POLR1B: variants seen among roughly 807,000 people sequenced by gnomAD.
POLR1B encodes the protein DNA-directed RNA polymerase I subunit RPA2.
In POLR1B, 30 loss-of-function variants were observed where a neutral mutation model predicts 105.8. The ratio of observed to expected loss-of-function variants is 0.28; its 90% confidence interval spans 0.21 to 0.38. The LOEUF (loss-of-function observed/expected upper bound fraction) is 0.38, where lower values mean the gene tolerates loss of function less well. POLR1B is among the 10% of genes least tolerant of loss of function. The pLI is 1.00. For synonymous variants in POLR1B, 485 were observed against 505.1 expected, an observed-to-expected ratio of 0.96 and a Z score of 0.53; for missense variants, 976 against 1,435.8, an observed-to-expected ratio of 0.68 and a Z score of 5.17.
chr2:112,563,279 T>C (rs1486347357), intron 9 of POLR1B, among the ~76,000 whole-genome samples: 2 of 151,898 alleles, frequency 1.3e-5, no homozygotes, highest in East Asian at 3.9e-4. Flanking sequence ...ATGGTCTCGA[T>C]CTCCTGACCT....
rs1683094482 is a variant in POLR1B, at chr2:112,547,033, G to A, written c.199G>A (p.Ala67Thr). 6.2e-7 allele frequency: 1 copy of A among 1,614,086 alleles called. No individual in the cohort carries two copies. Residue 67 changes from alanine (A) to threonine (T), a missense_variant, in exon 2 of 15, where the codon GCT (alanine) becomes ACT (threonine). By Grantham distance (58) the Ala-to-Thr change is moderately conservative. Coordinates refer to ENST00000263331, the MANE Select transcript of POLR1B (RefSeq NM_019014.6). ...AVQAIPPFEF[A>T]FKDERISFTI... ...TCAGGCTATACCTCCCTTTGAATTT[G>A]CTTTCAAAGATGAGCGTATCTCTTT...
intron 11 of POLR1B, 107 bp from the exon 12 acceptor site, chr2:112,568,638 TG>T: frequency 1.6e-6 from 2 of 1,239,432 alleles, no homozygotes; most frequent in Non-Finnish European, 2.3e-6. Context: ...TGATGCTGGG[TG>T]GGGATGGTTT....
chr2:112,555,368 C>T (rs373962894), intron 7 of POLR1B, among the ~76,000 whole-genome samples: 4 of 151,758 alleles, frequency 2.6e-5, no homozygotes, highest in Non-Finnish European at 4.4e-5. Flanking sequence ...ACACCTGGTG[C>T]GGTGGCTCAC....
chr2:112,558,778 C>G (rs1683805666), intron 8 of POLR1B, among the ~76,000 whole-genome samples: 1 of 151,950 alleles, frequency 6.6e-6, no homozygotes, highest in African/African-American at 2.4e-5. Context: ...GCCACAACAC[C>G]TGGCTAATTT....
At chr2:112,542,443 A>ACTGG (rs1682799603), upstream of POLR1B, 8 of 1,327,712 alleles carry the variant, frequency 6.0e-6, no homozygotes, top group Non-Finnish European at 8.0e-6. Context: ...GTACCGAGAG[A>ACTGG]CTGGCGTCCG....
At chr2:112,547,707 G>A (rs139621577) in intron 3 of POLR1B, 140 bp downstream of exon 3, 31 of 880,526 alleles carry the variant, frequency 3.5e-5, no homozygotes, top group Non-Finnish European at 1.7e-6. Flanking sequence ...CCTGCATACA[G>A]TGTATGGCTC....
chr2:112,568,868 C>T lies in POLR1B; in HGVS notation c.2040C>T (p.Asn680=). ...ACTTCATCCCTTTCTCTGATCACAACCAGAGTCCACGGAACATGTACCAAT... is the reference window on the plus strand; with the variant it reads ...ACTTCATCCCTTTCTCTGATCACAATCAGAGTCCACGGAACATGTACCAAT... ...IANFIPFSDH[N]QSPRNMYQCQ... Residue 680 remains asparagine (N), a synonymous_variant, in exon 12 of 15, where the codon AAC becomes AAT. Coordinates refer to ENST00000263331, the MANE Select transcript of POLR1B (RefSeq NM_019014.6). 6.2e-7 allele frequency: 1 copy of T among 1,614,164 alleles called. No individual in the cohort carries two copies. The highest frequency in any genetic ancestry group is 1.1e-5 in the South Asian group (1 of 91,088).
Position 112,575,090 on chromosome 2 carries a change from C to T in POLR1B, c.2769C>T (p.Arg923=). ...TCAATCCCCATGGTTTTCCATCCCG[C>T]ATGACCATTGGGATGTTAATTGAGA... is the stretch of plus-strand genomic sequence containing the variant. The part of the protein sequence containing the change: ...ILFNPHGFPS[R]MTIGMLIESM... Residue 923 remains arginine, a synonymous_variant, in exon 15 of 15, where the codon CGC becomes CGT. Transcript: ENST00000263331. This position sits in a 1 kb window ranked among gnomAD's most constrained non-coding sequence, Gnocchi z 5.3. 3.1e-6 allele frequency: 5 copies of T among 1,614,194 alleles called. No homozygotes were observed. The highest frequency in any genetic ancestry group is 4.2e-6 in the Non-Finnish European group (5 of 1,180,034).
intron 7 of POLR1B, among the ~76,000 whole-genome samples, chr2:112,553,097 T>C (rs1230130275): frequency 6.6e-6 from 1 of 152,236 alleles, no homozygotes; most frequent in African/African-American, 2.4e-5. Context: ...TGGTTGATCC[T>C]CATTATTTGT....
At chr2:112,550,662 C>T (rs1356091579) in intron 4 of POLR1B, 2 of 582,230 alleles carry the variant, frequency 3.4e-6, no homozygotes, top group Admixed American at 6.1e-5. Context: ...GGTTATTTTA[C>T]ATTAGTGTTT....
chr2:112,555,858 A>G (rs1245633344), intron 7 of POLR1B, among the ~76,000 whole-genome samples: 1 of 152,254 alleles, frequency 6.6e-6, no homozygotes, highest in African/African-American at 2.4e-5. Flanking sequence ...ATGACATAAG[A>G]TGAATTATAG....
At chr2:112,542,345 A>C, upstream of POLR1B, 1 of 1,554,424 alleles carries the variant, frequency 6.4e-7, no homozygotes, top group African/African-American at 1.4e-5. Flanking sequence ...AGAAACCGAA[A>C]CCGCAGGGCC....
rs1320004970 is a variant in POLR1B, at chr2:112,542,689, C to T, written c.177+18C>T. 1 of 1,609,782 alleles carries T rather than the reference C, an allele frequency of 6.2e-7. No homozygotes were observed. Among genetic ancestry groups the T allele is most frequent in the Non-Finnish European group, 8.5e-7 (1 of 1,177,976 alleles). On this transcript the variant is annotated intron_variant, in intron 1 of 14. Coordinates refer to ENST00000263331, the MANE Select transcript of POLR1B (RefSeq NM_019014.6). Reference sequence around the variant, plus strand: ...CGGTGCAGGTGAGCGCGGCGTCCGCCGGCGCCCTTGCCGCGGCGAGGCCAA... The same window carrying T: ...CGGTGCAGGTGAGCGCGGCGTCCGCTGGCGCCCTTGCCGCGGCGAGGCCAA...
At position 112,548,705 on chromosome 2, in the gene POLR1B, T is replaced by C. The variant is rs183141926; in HGVS notation, c.493-562T>C. On this transcript the variant is annotated intron_variant, in intron 3 of 14. Transcript: ENST00000263331. ...TTGGCTCACTGCAAGCTCCGCCTCC[T>C]GGGTTCAAGCCATTCTCCTGCCTCA... Among the ~76,000 whole-genome samples, 1,183 of 152,042 alleles carry C rather than the reference T, an allele frequency of 7.8e-3. 7 individuals are homozygous for C. The highest frequency in any genetic ancestry group is 0.012 in the Non-Finnish European group (843 of 67,962).
intron 9 of POLR1B, among the ~76,000 whole-genome samples, chr2:112,560,306 T>C (rs537618719): frequency 2.0e-5 from 3 of 152,220 alleles, no homozygotes; most frequent in East Asian, 3.9e-4. Context: ...GTCATTAATA[T>C]TGGAAGTATA....
chr2:112,542,840 A>G, intron 1 of POLR1B, 169 bp downstream of exon 1: 1 of 777,668 alleles, frequency 1.3e-6, no homozygotes, highest in South Asian at 1.8e-5. Context: ...GGCCTTCGTG[A>G]GACTTGGAGT....
chr2:112,552,122 G>C, intron 6 of POLR1B, 124 bp downstream of exon 6: 1 of 706,778 alleles, frequency 1.4e-6, no homozygotes, highest in South Asian at 2.4e-5. Flanking sequence ...GTAGAATCCT[G>C]GTCCTTGCTA....
rs369626508 is a variant in POLR1B, at chr2:112,575,804, A to G, written c.*75A>G. On this transcript the variant is annotated 3_prime_UTR_variant, in exon 15 of 15. Transcript: ENST00000263331. This position sits in a 1 kb window ranked among gnomAD's most constrained non-coding sequence, Gnocchi z 5.3. ...GTAATTTTAATTCAATGAAGATATCATTACCAGGTTACTCTTGAGATTTTT... is the reference window on the plus strand; with the variant it reads ...GTAATTTTAATTCAATGAAGATATCGTTACCAGGTTACTCTTGAGATTTTT... 1 of 1,459,590 alleles carries G rather than the reference A, an allele frequency of 6.9e-7. No individual in the cohort carries two copies. The highest frequency in any genetic ancestry group is 1.3e-5 in the South Asian group (1 of 76,016). The allele number at this position is 1,459,590 out of a possible 1,614,324, so 90.4% of individuals were successfully genotyped here.
intron 9 of POLR1B, among the ~76,000 whole-genome samples, chr2:112,562,576 C>T (rs1684044711): frequency 6.6e-6 from 1 of 152,068 alleles, no homozygotes; most frequent in Non-Finnish European, 1.5e-5. Context: ...TTTAAGAATA[C>T]TTTATTGCTA....
Sources: allele counts gnomAD v4.1 joint callset (sites outside exome capture counted in the v4.1 genomes callset), GRCh38; gene constraint gnomAD v4.1.1; non-coding constraint Gnocchi (gnomAD v3.1); transcripts MANE v1.5; gene names NCBI Gene and HGNC (gene_info 2026-07-23, HGNC 2026-07-21).